Variants in PLAAT3 observed in about 807,000 individuals in gnomAD.
PLAAT3 encodes the protein phospholipase A and acyltransferase 3.
In PLAAT3, 21 loss-of-function variants were observed where a neutral mutation model predicts 16.7. The observed-to-expected ratio is 1.26, with a 90% CI of 0.89 to 1.81. PLAAT3 has a LOEUF of 1.81. Among genes scored for constraint, PLAAT3 ranks in the 40% most tolerant of loss-of-function variants. PLAAT3 has a pLI of 0.00. For synonymous variants in PLAAT3, 76 were observed against 81.7 expected (o/e 0.93, Z 0.38); for missense variants, 219 against 213.7 (o/e 1.02, Z -0.16).
chr11:63,585,860 G>T (rs1011323881), intron 4 of PLAAT3, among the ~76,000 whole-genome samples: 1 of 152,088 alleles, frequency 6.6e-6, no homozygotes, highest in Non-Finnish European at 1.5e-5. Context: ...AAAGAATAAT[G>T]GTATAAGACA....
intron 4 of PLAAT3, among the ~76,000 whole-genome samples, chr11:63,583,725 C>T (rs1259603904): frequency 6.6e-6 from 1 of 152,142 alleles, no homozygotes; most frequent in Non-Finnish European, 1.5e-5. Context: ...GTGTGTGTCA[C>T]AGGTCTTAAA....
chr11:63,615,404 A>G (rs200127108), upstream of PLAAT3, among the ~76,000 whole-genome samples: 5 of 3,174 alleles, frequency 1.6e-3, no homozygotes, highest in African/African-American at 1.6e-3. Context: ...ATATGTGTGT[A>G]TATGTGTGTG....
chr11:63,609,119 C>A (rs148202674), intron 2 of PLAAT3, among the ~76,000 whole-genome samples: 56 of 152,300 alleles, frequency 3.7e-4, no homozygotes, highest in African/African-American at 1.3e-3. Flanking sequence ...ACTGTGGAGG[C>A]TGTGAAACCC....
intron 3 of PLAAT3, among the ~76,000 whole-genome samples, chr11:63,597,184 G>C (rs1048937628): frequency 6.6e-6 from 1 of 151,996 alleles, no homozygotes; most frequent in African/African-American, 2.4e-5. Context: ...ATGATGGTAA[G>C]TTTCCTGAGG....
chr11:63,576,751 C>T (rs1236874846), intron 4 of PLAAT3, among the ~76,000 whole-genome samples: 2 of 152,190 alleles, frequency 1.3e-5, no homozygotes. Flanking sequence ...AAAGAATTAG[C>T]ATCTCTTTCC....
chr11:63,576,492 G>T (rs761298058), intron 4 of PLAAT3, among the ~76,000 whole-genome samples: 1 of 152,106 alleles, frequency 6.6e-6, no homozygotes, highest in Non-Finnish European at 1.5e-5. Flanking sequence ...CTGGTGACAC[G>T]TGCCTATAGT....
intron 2 of PLAAT3, among the ~76,000 whole-genome samples, chr11:63,608,018 C>G (rs586713): frequency 0.51 from 76,995 of 151,618 alleles, 19,784 homozygotes; most frequent in Non-Finnish European, 0.54. Flanking sequence ...AACCCCGTCT[C>G]TACTAAAAAT....
intron 4 of PLAAT3, 141 bp downstream of exon 4, chr11:63,589,959 G>T: frequency 1.5e-4 from 29 of 199,408 alleles, no homozygotes; most frequent in Middle Eastern, 1.7e-3. Context: ...CCCCACCCTT[G>T]TCCCAACTGT....
At chr11:63,588,914 G>A (rs1938056039) in intron 4 of PLAAT3, among the ~76,000 whole-genome samples, 1 of 140,290 alleles carries the variant, frequency 7.1e-6, no homozygotes, top group African/African-American at 2.7e-5. Flanking sequence ...GTTAGTCAGT[G>A]TCTTCCCATT....
chr11:63,599,145 G>A (rs1938363210), intron 2 of PLAAT3, among the ~76,000 whole-genome samples: 2 of 152,288 alleles, frequency 1.3e-5, no homozygotes, highest in South Asian at 4.1e-4. Flanking sequence ...ACTTCTCCAG[G>A]CCAACCTTTA....
Position 63,575,056 on chromosome 11 carries a change from A to G in PLAAT3, c.388-10T>C. 6.3e-7 allele frequency: 1 copy of G among 1,581,792 alleles called. No individual in the cohort carries two copies. The highest frequency in any genetic ancestry group is 8.7e-7 in the Non-Finnish European group (1 of 1,150,760). On this transcript the variant is annotated splice_polypyrimidine_tract_variant and intron_variant, in intron 4 of 4. Transcript: ENST00000415826. ...TGATGACATCTCTGACCTGCAACAAAGAAGAGGGTGGGTCACACTCTGTGT... is the reference window on the plus strand; with the variant it reads ...TGATGACATCTCTGACCTGCAACAAGGAAGAGGGTGGGTCACACTCTGTGT...
At chr11:63,580,280 C>T (rs1475197526) in intron 4 of PLAAT3, among the ~76,000 whole-genome samples, 1 of 152,200 alleles carries the variant, frequency 6.6e-6, no homozygotes, top group Non-Finnish European at 1.5e-5. Context: ...TTTCAGGAAT[C>T]TATAAATATA....
intron 2 of PLAAT3, among the ~76,000 whole-genome samples, chr11:63,602,087 A>C (rs1363702436): frequency 1.3e-5 from 2 of 151,622 alleles, no homozygotes; most frequent in African/African-American, 4.8e-5. Flanking sequence ...CAGAAGTTTG[A>C]GACGAGCCTG....
chr11:63,602,285 CAAA>C (rs61260700), intron 2 of PLAAT3, among the ~76,000 whole-genome samples: 1 of 139,392 alleles, frequency 7.2e-6, no homozygotes, highest in African/African-American at 2.6e-5. Context: ...GAAACTGTCT[CAAA>C]AAAAAAAAAA....
At chr11:63,583,798 G>GT (rs138430494) in intron 4 of PLAAT3, among the ~76,000 whole-genome samples, 3,506 of 149,294 alleles carry the variant, frequency 0.023, 134 homozygotes, top group African/African-American at 0.08. Flanking sequence ...TAAGAAGACT[G>GT]TTTTTTTTTT....
At chr11:63,575,944 T>G (rs544802097) in intron 4 of PLAAT3, among the ~76,000 whole-genome samples, 1 of 152,280 alleles carries the variant, frequency 6.6e-6, no homozygotes, top group South Asian at 2.1e-4. Context: ...GTTTATTCTT[T>G]GCAGAGGGTA....
rs1303611834 is a variant in PLAAT3, at chr11:63,574,900, C to A, written c.*45G>T. The A allele has an allele frequency of 1.8e-6, 2 of 1,126,150 alleles. No individual in the cohort carries two copies. Among genetic ancestry groups the A allele is most frequent in the Non-Finnish European group, 2.7e-6 (2 of 736,542 alleles). 69.8% of individuals were successfully genotyped at this position (1,126,150 alleles called of 1,614,324 possible). ...CCCAAACTCTCTAGCAAAACAAGAC[C>A]CCCTTGATGTATAAAGTCATCGCTG... On this transcript the variant is annotated 3_prime_UTR_variant, in exon 5 of 5. Coordinates refer to ENST00000415826, the MANE Select transcript of PLAAT3 (RefSeq NM_001128203.2).
At position 63,574,847 on chromosome 11, in the gene PLAAT3, A is replaced by G; in HGVS notation, c.*98T>C. 1 of 740,036 alleles carries G rather than the reference A, an allele frequency of 1.4e-6. No homozygotes were observed. The allele number at this position is 740,036 out of a possible 1,614,324, so 45.8% of individuals were successfully genotyped here. Reference sequence around the variant, plus strand: ...ATTCTGTGAAAATAAGCCTTATTATAAATCACAATGAAATCCACAAACCAA... The same window carrying G: ...ATTCTGTGAAAATAAGCCTTATTATGAATCACAATGAAATCCACAAACCAA... On this transcript the variant is annotated 3_prime_UTR_variant, in exon 5 of 5. Coordinates refer to ENST00000415826, the MANE Select transcript of PLAAT3 (RefSeq NM_001128203.2).
Position 63,598,148 on chromosome 11 carries a change from C to T in PLAAT3, c.31G>A (p.Gly11Arg). The T allele has an allele frequency of 6.2e-7, 1 of 1,613,674 alleles. No individual in the cohort carries two copies. ...GGGCGAAAAATCTCAATCAGGTCTC[C>T]AGGCTTAGGCTCTGGCTGCAAAACC... MRAPIPEPKP[G>R]DLIEIFRPFY... The change falls in exon 3 of 5, where the codon GGA becomes AGA. Residue 11 changes from glycine to arginine, a missense_variant. Gly to Arg is a moderately radical substitution (Grantham distance 125). Coordinates refer to ENST00000415826, the MANE Select transcript of PLAAT3 (RefSeq NM_001128203.2).
Sources: gnomAD v4.1 joint callset for allele counts (sites outside exome capture counted in the v4.1 genomes callset) on GRCh38, gnomAD v4.1.1 for gene constraint, MANE v1.5 for transcripts, NCBI Gene and HGNC (gene_info 2026-07-23, HGNC 2026-07-21) for gene names.